COPA: variants seen among roughly 807,000 people sequenced by gnomAD.
COPA encodes the protein coat protein complex I subunit alpha.
A neutral mutation model predicts 158.7 loss-of-function variants in COPA; 10 were observed. The observed-to-expected ratio is 0.06, with a 90% CI of 0.04 to 0.11. COPA has a LOEUF of 0.11. COPA is among the 10% of genes least tolerant of loss of function. COPA has a pLI of 1.00. For missense variants in COPA, 1,065 were observed against 1,536.7 expected, an observed-to-expected ratio of 0.69 and a Z score of 5.13; for synonymous variants, 462 against 542.8, an observed-to-expected ratio of 0.85 and a Z score of 2.07.
In COPA at chr1:160,337,484, C is replaced by T. The variant is rs146286551; in HGVS notation, c.229-2162G>A. Among the ~76,000 whole-genome samples the T allele has an allele frequency of 7.8e-3, 1,187 of 152,328 alleles. 6 individuals are homozygous for T. Among genetic ancestry groups the T allele is most frequent in the Middle Eastern group, 0.014 (4 of 294 alleles). On this transcript the variant is annotated intron_variant, in intron 3 of 32. Coordinates refer to ENST00000241704, the MANE Select transcript of COPA (RefSeq NM_004371.4). ...CCTGTAATCCCAGCACTTTGGGAGG[C>T]CGAGGCAGGAAGACGACCCGAGGTC...
At position 160,335,334 on chromosome 1, in the gene COPA, A is replaced by T. The variant is rs1290140887; in HGVS notation, c.229-12T>A. The T allele has an allele frequency of 6.2e-7, 1 of 1,604,520 alleles. No individual in the cohort carries two copies. On this transcript the variant is annotated splice_polypyrimidine_tract_variant and intron_variant, in intron 3 of 32. Coordinates refer to ENST00000241704, the MANE Select transcript of COPA (RefSeq NM_004371.4). ...TTGTAATTCCAAACCTGCAAAGACA[A>T]ATCAAACTAAGAAACAGAAATAGTT...
Position 160,293,480 on chromosome 1 carries a change from AATTGAGT to A in COPA, c.2677-24_2677-18del. ...GGATATATCCTAGGGGAAAAACAAA[AATTGAGT>A]ATTGAGTAATTTTTTTTTTTTTTTT... On this transcript the variant is annotated intron_variant, in intron 25 of 32. Coordinates refer to ENST00000241704, the MANE Select transcript of COPA (RefSeq NM_004371.4). The A allele has an allele frequency of 3.8e-6, 6 of 1,561,442 alleles. No individual in the cohort carries two copies. Among genetic ancestry groups the A allele is most frequent in the Non-Finnish European group, 5.2e-6 (6 of 1,160,460 alleles).
Position 160,299,243 on chromosome 1 carries a change from A to G in COPA, c.1689T>C (p.Thr563=). 1 of 1,613,214 alleles carries G rather than the reference A, an allele frequency of 6.2e-7. No individual in the cohort carries two copies. The highest frequency in any genetic ancestry group is 8.5e-7 in the Non-Finnish European group (1 of 1,179,242). Residue 563 remains threonine (T), a synonymous_variant, in exon 18 of 33, where the codon ACT becomes ACC. Transcript: ENST00000241704. ...GTGTGACATAGATGGGTAAATCCAG[A>G]GTTCGAATGATCCCGTGGTCCCTAA... is the stretch of plus-strand genomic sequence containing the variant. ...VTTGDHGIIR[T]LDLPIYVTRV... is the part of the protein sequence containing the mutation.
At chr1:160,307,100 G>T in intron 14 of COPA, 63 bp downstream of exon 14, 1 of 1,478,716 alleles carries the variant, frequency 6.8e-7, no homozygotes, top group Non-Finnish European at 9.4e-7. Context: ...TCTTTATTTT[G>T]CAATACACAG....
chr1:160,324,080 CT>C (rs1213759751), intron 7 of COPA, among the ~76,000 whole-genome samples: 1 of 152,030 alleles, frequency 6.6e-6, no homozygotes, highest in African/African-American at 2.4e-5. Flanking sequence ...CCAGGCTGGT[CT>C]TGAACTCCCG....
At position 160,289,412 on chromosome 1, in the gene COPA, C is replaced by T. The variant is rs1658144927; in HGVS notation, c.*745G>A. On this transcript the variant is annotated 3_prime_UTR_variant, in exon 33 of 33. Coordinates refer to ENST00000241704, the MANE Select transcript of COPA (RefSeq NM_004371.4). ...TTTCTGAGTACACAGAGGGTACCTG[C>T]CTTGAAATTTAAATGTCTAAGGAAA... 1 of 152,044 alleles carries T rather than the reference C, an allele frequency of 6.6e-6. No homozygotes were observed. Among genetic ancestry groups the T allele is most frequent in the Non-Finnish European group, 1.5e-5 (1 of 68,018 alleles). The allele number at this position is 152,044 out of a possible 1,614,324, so 9.4% of individuals were successfully genotyped here.
intron 6 of COPA, among the ~76,000 whole-genome samples, chr1:160,331,946 T>C (rs1362726323): frequency 6.7e-6 from 1 of 149,216 alleles, no homozygotes; most frequent in South Asian, 2.1e-4. Flanking sequence ...AGACTCCCTC[T>C]CAGAAAAAAA....
chr1:160,309,148 T>C lies in COPA; in HGVS notation c.1172A>G (p.Tyr391Cys). ...TRASNLENST[Y>C]DLYTIPKDAD... ...ATCTTTAGGGATGGTGTACAGGTCA[T>C]AGGTACTATTCTCTAGATTGCTAGC... Residue 391 changes from tyrosine to cysteine, a missense_variant, in exon 13 of 33, where the codon TAT becomes TGT. Transcript: ENST00000241704. The C allele has an allele frequency of 2.5e-6, 4 of 1,613,712 alleles. No homozygotes were observed. The highest frequency in any genetic ancestry group is 3.4e-6 in the Non-Finnish European group (4 of 1,179,664).
chr1:160,304,040 G>C (rs1293614546), intron 17 of COPA, among the ~76,000 whole-genome samples: 1 of 151,758 alleles, frequency 6.6e-6, no homozygotes, highest in Non-Finnish European at 1.5e-5. Flanking sequence ...TTTTGAGACA[G>C]AGTTTCGCTC....
chr1:160,337,171 T>C (rs1300996197), intron 3 of COPA, among the ~76,000 whole-genome samples: 1 of 152,236 alleles, frequency 6.6e-6, no homozygotes, highest in Non-Finnish European at 1.5e-5. Context: ...AGTTTCAAAA[T>C]GTCTTGACTC....
At chr1:160,296,367 A>G (rs556549010) in intron 21 of COPA, among the ~76,000 whole-genome samples, 6 of 152,352 alleles carry the variant, frequency 3.9e-5, no homozygotes, top group South Asian at 2.1e-4. Flanking sequence ...TCTGGTTACA[A>G]AGATTGTGGC....
chr1:160,334,276 A>G (rs1196399582), intron 4 of COPA, among the ~76,000 whole-genome samples: 1 of 152,196 alleles, frequency 6.6e-6, no homozygotes, highest in Non-Finnish European at 1.5e-5. Flanking sequence ...TTTTCAATAG[A>G]GATAGTATCT....
intron 27 of COPA, among the ~76,000 whole-genome samples, chr1:160,292,901 G>C (rs187011374): frequency 5.3e-4 from 80 of 152,222 alleles, no homozygotes; most frequent in African/African-American, 1.9e-3. Context: ...GCTTGGAAAG[G>C]GGTACTTATC....
Position 160,313,046 on chromosome 1 carries a change from T to C in COPA, c.925+39A>G, listed in dbSNP as rs142430989. 51 of 1,567,120 alleles carry C rather than the reference T, an allele frequency of 3.3e-5. No homozygotes were observed. In the East Asian group the frequency reaches 1.1e-3, roughly 34 times the overall value. The stretch of plus-strand genomic sequence containing the variant: ...AATCACTTTCAAGACTTATAAACTT[T>C]GAATTAAGCAAAGAAAAAAGAGAGA... On this transcript the variant is annotated intron_variant, in intron 10 of 32. Coordinates refer to ENST00000241704, the MANE Select transcript of COPA (RefSeq NM_004371.4).
chr1:160,325,923 T>C (rs1571176399), intron 6 of COPA, among the ~76,000 whole-genome samples: 1 of 152,366 alleles, frequency 6.6e-6, no homozygotes, highest in South Asian at 2.1e-4. Flanking sequence ...TCTGGCACAC[T>C]TTAACCTCTT....
chr1:160,307,945 G>A (rs1332369257), intron 13 of COPA, among the ~76,000 whole-genome samples: 1 of 152,150 alleles, frequency 6.6e-6, no homozygotes, highest in Non-Finnish European at 1.5e-5. Context: ...ATGCTGGCCA[G>A]TCTTGCCCCT....
In COPA at chr1:160,305,415, C is replaced by G. The variant is rs748765755; in HGVS notation, c.1667+18G>C. 1 of 1,612,270 alleles carries G rather than the reference C, an allele frequency of 6.2e-7. No homozygotes were observed. Among genetic ancestry groups the G allele is most frequent in the South Asian group, 1.1e-5 (1 of 90,868 alleles). On this transcript the variant is annotated intron_variant, in intron 17 of 32. Transcript: ENST00000241704. Reference sequence around the variant, plus strand: ...GAAGCTGTCTTCTCCCATTCTGTATCCCAGATAATTAACTTACCCAGTGGT... The same window carrying G: ...GAAGCTGTCTTCTCCCATTCTGTATGCCAGATAATTAACTTACCCAGTGGT...
chr1:160,299,376 T>C, intron 17 of COPA, 112 bp from the exon 18 acceptor site: 2 of 1,051,570 alleles, frequency 1.9e-6, no homozygotes, highest in Non-Finnish European at 2.7e-6. Flanking sequence ...AACAATGATA[T>C]AGATGGGAAG....
chr1:160,306,176 G>A (rs1320899410), intron 15 of COPA, among the ~76,000 whole-genome samples, 178 bp downstream of exon 15: 2 of 152,200 alleles, frequency 1.3e-5, no homozygotes, highest in Non-Finnish European at 2.9e-5. Context: ...TGTAATGCTA[G>A]TGTGGACGTG....
Sources: allele counts gnomAD v4.1 joint callset (sites outside exome capture counted in the v4.1 genomes callset), GRCh38; gene constraint gnomAD v4.1.1; transcripts MANE v1.5; gene names NCBI Gene and HGNC (gene_info 2026-07-23, HGNC 2026-07-21).